KCND2: variants seen among roughly 807,000 people sequenced by gnomAD.
KCND2 encodes the protein potassium voltage-gated channel subfamily D member 2.
Under a neutral mutation model 54.4 loss-of-function variants are expected in KCND2, and 16 were observed. That is an observed-to-expected ratio of 0.29 (90% CI 0.20 to 0.45). KCND2 has a LOEUF of 0.45. Ranked by LOEUF, KCND2 falls within the 20% of genes least tolerant of loss-of-function variation. The probability of loss-of-function intolerance (pLI) is 1.00; values close to 1 mark genes in which losing one functional copy is unlikely to be tolerated. For synonymous variants in KCND2, 317 were observed against 310.7 expected, an observed-to-expected ratio of 1.02 and a Z score of -0.21; for missense variants, 486 against 824.2, an observed-to-expected ratio of 0.59 and a Z score of 5.02.
At chr7:120,629,462 G>A (rs1054923838) in intron 1 of KCND2, among the ~76,000 whole-genome samples, 8 of 152,186 alleles carry the variant, frequency 5.3e-5, no homozygotes, top group Admixed American at 3.3e-4. Context: ...CTCCATCCTG[G>A]GCGACAGAGC....
chr7:120,463,695 C>A (rs890925494), intron 1 of KCND2, among the ~76,000 whole-genome samples: 9 of 152,014 alleles, frequency 5.9e-5, no homozygotes, highest in Admixed American at 5.9e-4. Context: ...CATCTTTGAT[C>A]GCCACATCTT....
intron 1 of KCND2, among the ~76,000 whole-genome samples, chr7:120,654,043 G>A (rs61340870): frequency 0.03 from 4,510 of 152,144 alleles, 186 homozygotes; most frequent in African/African-American, 0.096. Context: ...TGTGTTCTCT[G>A]TATAATGTTT....
chr7:120,668,215 G>A (rs35540900), intron 1 of KCND2, among the ~76,000 whole-genome samples: 23,618 of 151,822 alleles, frequency 0.16, 2,251 homozygotes, highest in African/African-American at 0.25. Flanking sequence ...TTCACACGTC[G>A]ATGGTAACAT....
At chr7:120,461,712 G>A (rs1197000318) in intron 1 of KCND2, among the ~76,000 whole-genome samples, 1 of 151,932 alleles carries the variant, frequency 6.6e-6, no homozygotes, top group Non-Finnish European at 1.5e-5. Context: ...TGGAAATTGT[G>A]TTATTTTTGC....
intron 1 of KCND2, among the ~76,000 whole-genome samples, chr7:120,661,315 A>G (rs1584873473): frequency 1.3e-5 from 2 of 152,162 alleles, no homozygotes; most frequent in Non-Finnish European, 2.9e-5. Context: ...AGTCATGGCC[A>G]TAGGTTCCTG....
intron 1 of KCND2, among the ~76,000 whole-genome samples, chr7:120,559,055 A>C (rs1280222378): frequency 6.6e-6 from 1 of 151,580 alleles, no homozygotes; most frequent in South Asian, 2.1e-4. Context: ...ACGTGCATGT[A>C]TGTGCATTAC....
intron 1 of KCND2, among the ~76,000 whole-genome samples, chr7:120,388,615 G>A (rs1451348177): frequency 6.6e-6 from 1 of 151,780 alleles, no homozygotes; most frequent in Admixed American, 6.6e-5. Flanking sequence ...AATCCATGGG[G>A]GCAAATTGAG....
intron 1 of KCND2, among the ~76,000 whole-genome samples, chr7:120,420,828 C>T (rs1026307559): frequency 7.2e-5 from 11 of 152,068 alleles, no homozygotes; most frequent in African/African-American, 2.4e-4. Context: ...CAAAATCATA[C>T]CTCTGAAAAG....
chr7:120,344,972 C>T (rs139606973), intron 1 of KCND2, among the ~76,000 whole-genome samples: 1 of 152,198 alleles, frequency 6.6e-6, no homozygotes, highest in East Asian at 1.9e-4. Flanking sequence ...AAGTTCCTTG[C>T]AAGACAAAAT....
At chr7:120,446,692 T>C (rs1802023639) in intron 1 of KCND2, among the ~76,000 whole-genome samples, 1 of 152,182 alleles carries the variant, frequency 6.6e-6, no homozygotes, top group East Asian at 1.9e-4. Flanking sequence ...ATATTTCCCC[T>C]ATACTCATAG....
chr7:120,310,352 T>C (rs1799719502), intron 1 of KCND2, among the ~76,000 whole-genome samples: 1 of 152,334 alleles, frequency 6.6e-6, no homozygotes, highest in Non-Finnish European at 1.5e-5. Flanking sequence ...CCATATGTTA[T>C]TTACAGAATC....
At chr7:120,678,738 GTATATATATATATATATATATATA>G (rs66483423) in intron 1 of KCND2, among the ~76,000 whole-genome samples, 1,827 of 115,800 alleles carry the variant, frequency 0.016, 25 homozygotes, top group Non-Finnish European at 0.021. Context: ...GTGTGTGAGT[GTATATATATATATATATATATATA>G]TATATATATA....
intron 1 of KCND2, among the ~76,000 whole-genome samples, chr7:120,657,906 T>C (rs1791822398): frequency 6.6e-6 from 1 of 152,200 alleles, no homozygotes; most frequent in South Asian, 2.1e-4. Context: ...TCCATGTGCT[T>C]TGCCTTGTGG....
At chr7:120,644,010 C>T (rs1003192881) in intron 1 of KCND2, among the ~76,000 whole-genome samples, 3 of 151,878 alleles carry the variant, frequency 2.0e-5, no homozygotes, top group Admixed American at 2.0e-4. Context: ...TCATCATAAA[C>T]CATCTCAAAA....
intron 1 of KCND2, among the ~76,000 whole-genome samples, chr7:120,581,773 A>G (rs1418999581): frequency 1.3e-5 from 2 of 151,930 alleles, no homozygotes; most frequent in Non-Finnish European, 2.9e-5. Flanking sequence ...GTGCAACGGT[A>G]TGATCTCAGC....
intron 1 of KCND2, among the ~76,000 whole-genome samples, chr7:120,375,824 G>A (rs1224031278): frequency 2.0e-5 from 3 of 151,668 alleles, no homozygotes; most frequent in Non-Finnish European, 2.9e-5. Flanking sequence ...CCCCAATTAA[G>A]GCCAGCATGA....
At chr7:120,507,288 A>G (rs897452442) in intron 1 of KCND2, among the ~76,000 whole-genome samples, 2 of 151,914 alleles carry the variant, frequency 1.3e-5, no homozygotes, top group African/African-American at 4.8e-5. Flanking sequence ...TACAAAATTT[A>G]TGGAGAGTGG....
chr7:120,305,409 A>G (rs941354276), intron 1 of KCND2, among the ~76,000 whole-genome samples: 6 of 152,154 alleles, frequency 3.9e-5, no homozygotes, highest in African/African-American at 1.2e-4. Context: ...GACAACCTGC[A>G]ATAAAATTAA....
At chr7:120,289,795 A>G (rs1338687164) in intron 1 of KCND2, among the ~76,000 whole-genome samples, 1 of 152,144 alleles carries the variant, frequency 6.6e-6, no homozygotes, top group East Asian at 1.9e-4. Flanking sequence ...TATTAAAAAC[A>G]AAATGGCTTC....
Sources: gnomAD v4.1 joint callset for allele counts (sites outside exome capture counted in the v4.1 genomes callset) on GRCh38, gnomAD v4.1.1 for gene constraint, MANE v1.5 for transcripts, NCBI Gene and HGNC (gene_info 2026-07-23, HGNC 2026-07-21) for gene names.